The following SLCO5A1 variants were observed in gnomAD, a reference collection of about 807,000 sequenced individuals.
The protein encoded by SLCO5A1 is solute carrier organic anion transporter family member 5A1, also known as organic anion transporter polypeptide-related protein 4.
In SLCO5A1, 39 loss-of-function variants were observed where a neutral mutation model predicts 65.1. The ratio of observed to expected loss-of-function variants is 0.60; its 90% CI spans 0.46 to 0.78. SLCO5A1 has a LOEUF of 0.78. SLCO5A1 is among the 30% of genes least tolerant of loss of function. SLCO5A1 has a pLI of 0.00. For missense variants in SLCO5A1, 1,029 were observed against 1,069.4 expected, an observed-to-expected ratio of 0.96 and a Z score of 0.53; for synonymous variants, 438 against 415.7, an observed-to-expected ratio of 1.05 and a Z score of -0.65.
chr8:69,686,722 G>T (rs1169414392), intron 6 of SLCO5A1, among the ~76,000 whole-genome samples: 1 of 152,146 alleles, frequency 6.6e-6, no homozygotes, highest in Non-Finnish European at 1.5e-5. Flanking sequence ...CCCAACACTG[G>T]CAGGGAAGCT....
intron 6 of SLCO5A1, among the ~76,000 whole-genome samples, chr8:69,695,935 T>C (rs893219617): frequency 2.0e-5 from 3 of 152,006 alleles, no homozygotes; most frequent in African/African-American, 7.3e-5. Context: ...AAGAAATGGG[T>C]TTAAAAATAA....
chr8:69,708,630 C>T (rs1405331389), intron 5 of SLCO5A1, among the ~76,000 whole-genome samples: 2 of 151,520 alleles, frequency 1.3e-5, no homozygotes, highest in African/African-American at 2.4e-5. Context: ...AGAGGACAGG[C>T]ATGGGGCTCA....
chr8:69,824,697 T>C (rs1820793882), intron 2 of SLCO5A1, among the ~76,000 whole-genome samples: 1 of 152,000 alleles, frequency 6.6e-6, no homozygotes, highest in Non-Finnish European at 1.5e-5. Context: ...CTACCAGAGG[T>C]ACAAGGAGGA....
intron 5 of SLCO5A1, among the ~76,000 whole-genome samples, chr8:69,727,127 G>T (rs933750371): frequency 2.6e-5 from 4 of 152,148 alleles, no homozygotes; most frequent in African/African-American, 9.7e-5. Context: ...TTGAAGGTGG[G>T]ACCCCTCCGT....
At chr8:69,727,103 T>C (rs1164380913) in intron 5 of SLCO5A1, among the ~76,000 whole-genome samples, 1 of 152,206 alleles carries the variant, frequency 6.6e-6, no homozygotes, top group Non-Finnish European at 1.5e-5. Flanking sequence ...CAAGGTTCAC[T>C]AGACTGTGAG....
chr8:69,727,053 A>G (rs1219109475), intron 5 of SLCO5A1, among the ~76,000 whole-genome samples: 2 of 152,182 alleles, frequency 1.3e-5, no homozygotes, highest in African/African-American at 2.4e-5. Flanking sequence ...TTTGCTACCC[A>G]TAGAGGTTAA....
At chr8:69,798,317 A>C (rs1819586213) in intron 2 of SLCO5A1, among the ~76,000 whole-genome samples, 2 of 152,154 alleles carry the variant, frequency 1.3e-5, no homozygotes, top group Admixed American at 1.3e-4. Flanking sequence ...CACTGCTCTA[A>C]AGAAATACCT....
intron 5 of SLCO5A1, among the ~76,000 whole-genome samples, chr8:69,708,164 G>T (rs1444049338): frequency 6.6e-6 from 1 of 152,158 alleles, no homozygotes; most frequent in Admixed American, 6.5e-5. Flanking sequence ...GGAAATGTGG[G>T]AAACAAAAAT....
chr8:69,784,922 G>GAAAGAAAC (rs1563723107), intron 2 of SLCO5A1, among the ~76,000 whole-genome samples: 12 of 122,758 alleles, frequency 9.8e-5, no homozygotes, highest in Admixed American at 4.9e-4. Context: ...AAGAAAGAAA[G>GAAAGAAAC]AAAGAAAGAA....
intron 4 of SLCO5A1, 126 bp downstream of exon 4, chr8:69,755,298 A>G (rs1325072400): frequency 1.7e-6 from 1 of 601,110 alleles, no homozygotes; most frequent in Non-Finnish European, 2.6e-6. Context: ...GTTTTGCAAC[A>G]CTTACTCTCA....
intron 2 of SLCO5A1, among the ~76,000 whole-genome samples, chr8:69,779,020 A>G (rs192009438): frequency 1.1e-3 from 160 of 152,340 alleles, no homozygotes; most frequent in African/African-American, 3.7e-3. Flanking sequence ...GGATTCATTT[A>G]TGTATAGTGT....
chr8:69,746,738 T>G (rs1172231024), intron 4 of SLCO5A1, among the ~76,000 whole-genome samples: 1 of 152,172 alleles, frequency 6.6e-6, no homozygotes, highest in African/African-American at 2.4e-5. Flanking sequence ...CTAGAACACA[T>G]AAGCTTCCAT....
chr8:69,724,047 A>G (rs1358519851), intron 5 of SLCO5A1, among the ~76,000 whole-genome samples: 1 of 152,228 alleles, frequency 6.6e-6, no homozygotes, highest in African/African-American at 2.4e-5. Context: ...TGCTGGCATT[A>G]CAGGTGTGAA....
intron 6 of SLCO5A1, among the ~76,000 whole-genome samples, chr8:69,687,154 G>A (rs1814037175): frequency 6.6e-6 from 1 of 152,180 alleles, no homozygotes; most frequent in Admixed American, 6.5e-5. Flanking sequence ...GGATAAAATA[G>A]CTTTTAAATT....
chr8:69,802,217 T>C (rs892810111), intron 2 of SLCO5A1, among the ~76,000 whole-genome samples: 1 of 152,128 alleles, frequency 6.6e-6, no homozygotes, highest in Non-Finnish European at 1.5e-5. Context: ...AAACGTTTAA[T>C]GTGGGCTGGG....
chr8:69,811,543 T>C (rs991695244), intron 2 of SLCO5A1, among the ~76,000 whole-genome samples: 1 of 152,160 alleles, frequency 6.6e-6, no homozygotes, highest in South Asian at 2.1e-4. Context: ...ACATTTCTTA[T>C]GCCTCTTGGC....
intron 2 of SLCO5A1, among the ~76,000 whole-genome samples, chr8:69,810,443 C>T (rs913635411): frequency 6.6e-6 from 1 of 152,116 alleles, no homozygotes; most frequent in Admixed American, 6.6e-5. Context: ...GGAGGAGTGC[C>T]GTTCCAGCTC....
chr8:69,684,611 C>T (rs558453829), intron 6 of SLCO5A1, among the ~76,000 whole-genome samples: 198 of 152,216 alleles, frequency 1.3e-3, no homozygotes, highest in African/African-American at 4.5e-3. Flanking sequence ...TTGTGAATAA[C>T]CTGCCCCTTA....
chr8:69,803,220 A>G (rs1454757911), intron 2 of SLCO5A1, among the ~76,000 whole-genome samples: 1 of 152,124 alleles, frequency 6.6e-6, no homozygotes, highest in African/African-American at 2.4e-5. Flanking sequence ...GTTCAAGACC[A>G]GCCTGGCCAA....
Sources: gnomAD v4.1 joint callset for allele counts (sites outside exome capture counted in the v4.1 genomes callset) on GRCh38, gnomAD v4.1.1 for gene constraint, MANE v1.5 for transcripts, NCBI Gene and HGNC (gene_info 2026-07-23, HGNC 2026-07-21) for gene names.